Variants in TDRD1 observed in about 807,000 individuals in gnomAD.
TDRD1 encodes the protein tudor domain containing 1, also known as tudor domain-containing protein 1.
Under a neutral mutation model 140.6 loss-of-function variants are expected in TDRD1, and 37 were observed. The observed-to-expected ratio is 0.26, with a 90% CI of 0.20 to 0.35. The LOEUF (loss-of-function observed/expected upper bound fraction) is 0.35, where lower values mean the gene tolerates loss of function less well. Among genes scored for constraint, TDRD1 ranks in the 10% least tolerant of loss-of-function variants. The probability of loss-of-function intolerance (pLI) is 1.00; values close to 1 mark genes in which losing one functional copy is unlikely to be tolerated. For missense variants in TDRD1, 1,243 were observed against 1,393.0 expected, an observed-to-expected ratio of 0.89 and a Z score of 1.71; for synonymous variants, 506 against 475.7, an observed-to-expected ratio of 1.06 and a Z score of -0.83.
intron 1 of TDRD1, among the ~76,000 whole-genome samples, chr10:114,186,730 G>A (rs2033562828): frequency 6.6e-6 from 1 of 152,120 alleles, no homozygotes; most frequent in African/African-American, 2.4e-5. Context: ...ATTCTGTTAG[G>A]GGTCTTCTCA....
chr10:114,177,381 A>T (rs992668033), upstream of TDRD1, among the ~76,000 whole-genome samples: 1 of 152,220 alleles, frequency 6.6e-6, no homozygotes, highest in African/African-American at 2.4e-5. Flanking sequence ...TATTCATAGG[A>T]TGTATGCTTG....
chr10:114,203,610 C>G (rs775291774), intron 8 of TDRD1, 43 bp downstream of exon 8: 3 of 1,544,380 alleles, frequency 1.9e-6, no homozygotes, highest in Non-Finnish European at 2.6e-6. Flanking sequence ...TTTGAGCTAA[C>G]TTTGGTCGTA....
chr10:114,198,322 G>C (rs1395083035), intron 3 of TDRD1, among the ~76,000 whole-genome samples: 1 of 152,310 alleles, frequency 6.6e-6, no homozygotes, highest in South Asian at 2.1e-4. Context: ...GGTCGGGGTG[G>C]TGGCACCTCA....
intron 25 of TDRD1, among the ~76,000 whole-genome samples, chr10:114,230,433 C>T (rs2036692424): frequency 6.6e-6 from 1 of 152,208 alleles, no homozygotes; most frequent in Non-Finnish European, 1.5e-5. Context: ...TTTACATCTA[C>T]TCACATACTT....
At chr10:114,202,583 T>C (rs2132967071) in intron 6 of TDRD1, among the ~76,000 whole-genome samples, 1 of 152,310 alleles carries the variant, frequency 6.6e-6, no homozygotes, top group Admixed American at 6.5e-5. Flanking sequence ...AGGGCCTAGT[T>C]ATCTATCTAA....
chr10:114,212,058 C>A (rs766016660), intron 14 of TDRD1, 22 bp downstream of exon 14: 81 of 1,571,774 alleles, frequency 5.2e-5, no homozygotes, highest in Non-Finnish European at 6.1e-5. Flanking sequence ...TTATAGCCTC[C>A]ATATTCTTTA....
At position 114,227,896 on chromosome 10, in the gene TDRD1, TC is replaced by T. The variant is rs2036532042; in HGVS notation, c.3404-13del. On this transcript the variant is annotated splice_polypyrimidine_tract_variant and intron_variant, in intron 23 of 25. Transcript: ENST00000251864. ...TATGTGTTATCTAATGGCTTATTTT[TC>T]TTGTGCTTTTAGAAAAGATGTATAG... The T allele has an allele frequency of 6.2e-7, 1 of 1,611,116 alleles. No homozygotes were observed. Among genetic ancestry groups the T allele is most frequent in the Admixed American group, 1.7e-5 (1 of 59,972 alleles).
intron 3 of TDRD1, among the ~76,000 whole-genome samples, chr10:114,193,739 C>A (rs1187687998): frequency 3.3e-5 from 5 of 152,342 alleles, no homozygotes; most frequent in African/African-American, 1.2e-4. Context: ...TAGGAACTTT[C>A]AACACGAGGT....
At chr10:114,208,858 C>T (rs957856313) in intron 11 of TDRD1, among the ~76,000 whole-genome samples, 3 of 151,776 alleles carry the variant, frequency 2.0e-5, no homozygotes, top group Non-Finnish European at 4.4e-5. Flanking sequence ...CCTGCAACCT[C>T]CGCCTCCTAG....
At chr10:114,226,959 C>A in intron 22 of TDRD1, 113 bp from the exon 23 acceptor site, 1 of 637,224 alleles carries the variant, frequency 1.6e-6, no homozygotes, top group Non-Finnish European at 2.8e-6. Context: ...CATCAGAACA[C>A]ACCTAAATCC....
chr10:114,227,843 T>C, intron 23 of TDRD1, 67 bp from the exon 24 acceptor site: 1 of 1,313,318 alleles, frequency 7.6e-7, no homozygotes, highest in Non-Finnish European at 1.1e-6. Flanking sequence ...TGTATATGTT[T>C]ACACTCCCAA....
Position 114,223,388 on chromosome 10 carries a change from G to C in TDRD1, c.3007+685G>C. Among the ~76,000 whole-genome samples the C allele has an allele frequency of 1.3e-5, 2 of 152,210 alleles. 1 individual carries two copies. The highest frequency in any genetic ancestry group is 2.9e-5 in the Non-Finnish European group (2 of 68,044). On this transcript the variant is annotated intron_variant, in intron 21 of 25. Coordinates refer to ENST00000251864, the Ensembl canonical transcript of TDRD1. Reference sequence around the variant, plus strand: ...ACAAGGTCTTGAAAGTCTGCCACTGGGGCACAGGCCTGCCTTCTCAAAGAG... The same window carrying C: ...ACAAGGTCTTGAAAGTCTGCCACTGCGGCACAGGCCTGCCTTCTCAAAGAG...
intron 25 of TDRD1, among the ~76,000 whole-genome samples, chr10:114,229,513 CTGTTT>C (rs1311133854): frequency 6.7e-6 from 1 of 149,972 alleles, no homozygotes; most frequent in African/African-American, 2.5e-5. Flanking sequence ...TTAATACTGA[CTGTTT>C]TGTATGTTTA....
chr10:114,192,903 T>A (rs909540175), intron 3 of TDRD1, among the ~76,000 whole-genome samples: 1 of 152,226 alleles, frequency 6.6e-6, no homozygotes, highest in Non-Finnish European at 1.5e-5. Context: ...TTTTTCTTTT[T>A]AAAAAAATTT....
chr10:114,199,353 T>C, intron 4 of TDRD1, 36 bp downstream of exon 4: 1 of 1,561,534 alleles, frequency 6.4e-7, no homozygotes, highest in Non-Finnish European at 8.6e-7. Flanking sequence ...GAATTCTTCT[T>C]CCACATATTT....
At chr10:114,228,220 C>T in intron 25 of TDRD1, 1 of 1,464,424 alleles carries the variant, frequency 6.8e-7, no homozygotes, top group South Asian at 1.5e-5. Flanking sequence ...TGGAGTGAAA[C>T]CTATTGTAAG....
Position 114,202,297 on chromosome 10 carries a change from AGGTAT to A in TDRD1, c.696+5_696+9del. ...ACAAAGGATGTGGAGGTAAACAATAAGGTATGGTATACTTTGTCTTTAAATTTTGA... is the reference window on the plus strand; with the variant it reads ...ACAAAGGATGTGGAGGTAAACAATAAGGTATACTTTGTCTTTAAATTTTGA... On this transcript the variant is annotated splice_donor_variant and splice_donor_region_variant and coding_sequence_variant and intron_variant, in exon 6 of 26. Transcript: ENST00000251864. LOFTEE classifies it high-confidence loss of function. The A allele has an allele frequency of 1.2e-6, 2 of 1,600,784 alleles. No homozygotes were observed. The highest frequency in any genetic ancestry group is 1.7e-6 in the Non-Finnish European group (2 of 1,171,970).
At chr10:114,228,864 A>C in intron 25 of TDRD1, 1 of 806,960 alleles carries the variant, frequency 1.2e-6, no homozygotes, top group Non-Finnish European at 1.5e-6. Context: ...CGGGCAGATC[A>C]CCTGAGCCCA....
At chr10:114,209,868 T>C (rs2035371630) in intron 11 of TDRD1, among the ~76,000 whole-genome samples, 1 of 152,268 alleles carries the variant, frequency 6.6e-6, no homozygotes, top group South Asian at 2.1e-4. Flanking sequence ...TCTTATCCTT[T>C]AATTCCTTAA....
Sources: gnomAD v4.1 joint callset for allele counts (sites outside exome capture counted in the v4.1 genomes callset) on GRCh38, gnomAD v4.1.1 for gene constraint, MANE v1.5 for transcripts, NCBI Gene and HGNC (gene_info 2026-07-23, HGNC 2026-07-21) for gene names.